The following NMNAT2 variants were observed in gnomAD, a reference collection of about 807,000 sequenced individuals.
NMNAT2 encodes nicotinamide/nicotinic acid mononucleotide adenylyltransferase 2.
NMNAT2 carries 11 observed loss-of-function variants against 41.6 expected under a neutral mutation model. The ratio of observed to expected loss-of-function variants is 0.26; its 90% CI spans 0.17 to 0.44. The LOEUF is 0.44. Ranked by LOEUF, NMNAT2 falls within the 20% of genes least tolerant of loss-of-function variation. The probability of loss-of-function intolerance (pLI) is 1.00; values close to 1 mark genes in which losing one functional copy is unlikely to be tolerated. For synonymous variants in NMNAT2, 148 were observed against 151.2 expected (o/e 0.98, Z 0.16); for missense variants, 288 against 407.7 (o/e 0.71, Z 2.53).
chr1:183,357,701 C>G (rs4418546), intron 1 of NMNAT2, among the ~76,000 whole-genome samples: 2,618 of 152,174 alleles, frequency 0.017, 83 homozygotes, highest in African/African-American at 0.059. Context: ...CCATTCTGAC[C>G]GGTGTAAGAT....
chr1:183,338,392 G>C (rs940504149), intron 1 of NMNAT2, among the ~76,000 whole-genome samples: 3 of 151,866 alleles, frequency 2.0e-5, no homozygotes, highest in Non-Finnish European at 2.9e-5. Flanking sequence ...GAGGAGAAAT[G>C]ACAACAGTGT....
chr1:183,264,159 A>G (rs2102283677), intron 8 of NMNAT2, among the ~76,000 whole-genome samples: 1 of 152,212 alleles, frequency 6.6e-6, no homozygotes, highest in Non-Finnish European at 1.5e-5. Context: ...TGATTCTGTA[A>G]ACTTGATGAA....
chr1:183,338,222 A>ATG (rs58516191), intron 1 of NMNAT2, among the ~76,000 whole-genome samples: 1 of 149,786 alleles, frequency 6.7e-6, no homozygotes, highest in African/African-American at 2.5e-5. Flanking sequence ...ACAGATCATT[A>ATG]ACCGTGAGGC....
chr1:183,280,842 T>C (rs1335867972), intron 7 of NMNAT2, among the ~76,000 whole-genome samples: 9 of 125,752 alleles, frequency 7.2e-5, no homozygotes, highest in African/African-American at 2.8e-4. Flanking sequence ...TGGAGTGCAA[T>C]GGCGTGATCT....
chr1:183,394,432 C>T (rs989210255), intron 1 of NMNAT2, among the ~76,000 whole-genome samples: 2 of 152,170 alleles, frequency 1.3e-5, no homozygotes, highest in Admixed American at 6.5e-5. Flanking sequence ...ACCTTGTCAT[C>T]GAAAGTATCC....
chr1:183,293,981 C>T (rs1661613845), intron 1 of NMNAT2, among the ~76,000 whole-genome samples, 188 bp from the exon 2 acceptor site: 1 of 152,126 alleles, frequency 6.6e-6, no homozygotes, highest in Admixed American at 6.5e-5. Context: ...CAGATTTCAG[C>T]CCCCAAAGCA....
At chr1:183,307,394 C>T (rs929487767) in intron 1 of NMNAT2, among the ~76,000 whole-genome samples, 2 of 147,592 alleles carry the variant, frequency 1.4e-5, no homozygotes, top group East Asian at 2.0e-4. Context: ...GCAACCTCTG[C>T]CTCCTGGGTT....
chr1:183,367,500 A>T (rs1021909271), intron 1 of NMNAT2, among the ~76,000 whole-genome samples: 1 of 152,220 alleles, frequency 6.6e-6, no homozygotes, highest in African/African-American at 2.4e-5. Flanking sequence ...AATAAGACAC[A>T]GTTCTGCAAA....
intron 1 of NMNAT2, among the ~76,000 whole-genome samples, chr1:183,337,569 C>CAA (rs71127343): frequency 0.024 from 2,463 of 100,604 alleles, 106 homozygotes; most frequent in East Asian, 0.074. Flanking sequence ...CTCTCCACAG[C>CAA]AAAAAAAAAA....
At chr1:183,416,632 G>A (rs1649259125) in intron 1 of NMNAT2, among the ~76,000 whole-genome samples, 2 of 152,168 alleles carry the variant, frequency 1.3e-5, no homozygotes, top group South Asian at 2.1e-4. Context: ...AAAGCTGAAG[G>A]AATGGTGAAG....
intron 7 of NMNAT2, chr1:183,283,626 A>G: frequency 2.9e-6 from 1 of 342,272 alleles, no homozygotes; most frequent in Non-Finnish European, 5.7e-6. Flanking sequence ...ACAAGCACTG[A>G]ATGAGGAAGG....
chr1:183,264,924 G>A (rs1660768203), intron 8 of NMNAT2, among the ~76,000 whole-genome samples: 1 of 152,006 alleles, frequency 6.6e-6, no homozygotes, highest in African/African-American at 2.4e-5. Flanking sequence ...ATCTGACCTT[G>A]AGCCACTGGA....
At chr1:183,392,443 C>T (rs12123377) in intron 1 of NMNAT2, among the ~76,000 whole-genome samples, 37,973 of 152,148 alleles carry the variant, frequency 0.25, 4,732 homozygotes, top group South Asian at 0.29. Flanking sequence ...TCCCCTGTTG[C>T]TATTCTCAAC....
intron 1 of NMNAT2, among the ~76,000 whole-genome samples, chr1:183,331,585 C>T (rs1043456803): frequency 1.1e-4 from 17 of 152,190 alleles, no homozygotes; most frequent in Admixed American, 4.6e-4. Flanking sequence ...TTTCTGGGGG[C>T]TCCCTGCTCT....
chr1:183,253,253 T>G (rs918507604), intron 10 of NMNAT2, among the ~76,000 whole-genome samples: 1 of 148,038 alleles, frequency 6.8e-6, no homozygotes. Context: ...TATTTTATAA[T>G]TTATATATTA....
At chr1:183,316,936 C>T (rs1158818061) in intron 1 of NMNAT2, among the ~76,000 whole-genome samples, 1 of 152,208 alleles carries the variant, frequency 6.6e-6, no homozygotes, top group Non-Finnish European at 1.5e-5. Context: ...TGTTCCAGAT[C>T]TCCATCCCCC....
chr1:183,374,137 T>C (rs144683107), intron 1 of NMNAT2, among the ~76,000 whole-genome samples: 1 of 152,246 alleles, frequency 6.6e-6, no homozygotes, highest in Admixed American at 6.5e-5. Context: ...GTCATCCATG[T>C]AGGGTTGAGG....
chr1:183,369,263 C>CTT (rs55925461), intron 1 of NMNAT2, among the ~76,000 whole-genome samples: 3 of 140,092 alleles, frequency 2.1e-5, no homozygotes, highest in East Asian at 2.1e-4. Flanking sequence ...CTTTTCTTTT[C>CTT]TTTTTTTTTT....
chr1:183,284,907 G>C (rs911601574), intron 5 of NMNAT2, 117 bp from the exon 6 acceptor site: 27 of 782,920 alleles, frequency 3.4e-5, no homozygotes, highest in Non-Finnish European at 5.7e-5. Context: ...GACGGGGCAG[G>C]AGTGGGGAGC....
Sources: gnomAD v4.1 joint callset for allele counts (sites outside exome capture counted in the v4.1 genomes callset) on GRCh38, gnomAD v4.1.1 for gene constraint, MANE v1.5 for transcripts, NCBI Gene and HGNC (gene_info 2026-07-23, HGNC 2026-07-21) for gene names.